The following ZDHHC21 variants were observed in gnomAD, a reference collection of about 807,000 sequenced individuals.
The protein encoded by ZDHHC21 is zDHHC palmitoyltransferase 21, also known as palmitoyltransferase ZDHHC21.
ZDHHC21 carries 15 observed loss-of-function variants against 34.6 expected under a neutral mutation model. The observed-to-expected ratio is 0.43, with a 90% CI of 0.29 to 0.67. ZDHHC21 has a LOEUF of 0.67. Ranked by LOEUF, ZDHHC21 falls within the 30% of genes least tolerant of loss-of-function variation. ZDHHC21 has a pLI of 0.14. For synonymous variants in ZDHHC21, 142 were observed against 101.8 expected (o/e 1.40, Z -2.38); for missense variants, 344 against 327.7 (o/e 1.05, Z -0.38).
chr9:14,657,843 T>C (rs1832548539), intron 7 of ZDHHC21, among the ~76,000 whole-genome samples: 1 of 152,202 alleles, frequency 6.6e-6, no homozygotes, highest in South Asian at 2.1e-4. Flanking sequence ...TTTATTTTAA[T>C]GCTTTTCTTA....
At chr9:14,683,520 T>A (rs949136478) in intron 2 of ZDHHC21, 2 of 152,178 alleles carry the variant, frequency 1.3e-5, no homozygotes, top group Admixed American at 1.3e-4. Flanking sequence ...AATCTCTGAA[T>A]AGACCAATAA....
At chr9:14,600,778 G>A in the ZDHHC21 span, among the ~76,000 whole-genome samples, 1 of 152,156 alleles carries the variant, frequency 6.6e-6, no homozygotes, top group African/African-American at 2.4e-5. Flanking sequence ...AACCAAAACA[G>A]CATGGTACTG....
intron 6 of ZDHHC21, among the ~76,000 whole-genome samples, chr9:14,661,793 C>T (rs750591272): frequency 3.9e-5 from 6 of 152,080 alleles, no homozygotes; most frequent in African/African-American, 9.7e-5. Flanking sequence ...AAGAGGTTAT[C>T]AGGGTGTCTG....
chr9:14,641,459 T>C (rs1192454882), intron 7 of ZDHHC21, among the ~76,000 whole-genome samples: 1 of 152,224 alleles, frequency 6.6e-6, no homozygotes, highest in East Asian at 1.9e-4. Context: ...ACATAATTGA[T>C]ACATTAAACA....
At chr9:14,622,604 T>C (rs1825497371) in intron 8 of ZDHHC21, 3 of 984,802 alleles carry the variant, frequency 3.0e-6, no homozygotes, top group Non-Finnish European at 3.6e-6. Context: ...TAACTCATCC[T>C]GTTTTGAGTT....
At chr9:14,641,913 A>G (rs1829446909) in intron 7 of ZDHHC21, among the ~76,000 whole-genome samples, 1 of 152,296 alleles carries the variant, frequency 6.6e-6, no homozygotes, top group East Asian at 1.9e-4. Flanking sequence ...TGTGGTTTTA[A>G]TGCACGGTTT....
chr9:14,642,190 C>A (rs1349998687), intron 7 of ZDHHC21, among the ~76,000 whole-genome samples: 1 of 152,110 alleles, frequency 6.6e-6, no homozygotes, highest in Non-Finnish European at 1.5e-5. Flanking sequence ...AAACTTTAAT[C>A]TAGAAATTGC....
intron 2 of ZDHHC21, among the ~76,000 whole-genome samples, chr9:14,689,290 G>C (rs184994444): frequency 6.6e-6 from 1 of 152,182 alleles, no homozygotes; most frequent in Non-Finnish European, 1.5e-5. Flanking sequence ...TCAAGTAAAA[G>C]CAGGACTGGT....
the ZDHHC21 span, among the ~76,000 whole-genome samples, chr9:14,599,043 G>A: frequency 6.6e-6 from 1 of 152,186 alleles, no homozygotes; most frequent in Admixed American, 6.5e-5. Context: ...GATTACAGAT[G>A]TGAGCCACCT....
rs1283714682 is a variant in ZDHHC21, at chr9:14,613,900, A to C, written c.*5066T>G. On this transcript the variant is annotated 3_prime_UTR_variant, in exon 10 of 10. Transcript: ENST00000380916. ...AGCTGAGTTTTCCACATTATTTTTA[A>C]CACTTCACATGATCATACTCTACAC... The C allele has an allele frequency of 6.6e-6, 1 of 151,748 alleles. No homozygotes were observed. Among genetic ancestry groups the C allele is most frequent in the African/African-American group, 2.4e-5 (1 of 41,398 alleles). The allele number at this position is 151,748 out of a possible 1,614,324, so 9.4% of individuals were successfully genotyped here.
At chr9:14,664,041 G>C (rs1302592170) in intron 5 of ZDHHC21, among the ~76,000 whole-genome samples, 2 of 152,200 alleles carry the variant, frequency 1.3e-5, no homozygotes, top group African/African-American at 2.4e-5. Context: ...CCGGTCTACA[G>C]CTCCCAGCGT....
At chr9:14,593,788 G>A in the ZDHHC21 span, 1 of 152,684 alleles carries the variant, frequency 6.5e-6, no homozygotes, top group African/African-American at 2.4e-5. Context: ...ACAGATTCAA[G>A]AGAGATGACC....
At chr9:14,622,581 C>T in intron 8 of ZDHHC21, 3 of 985,268 alleles carry the variant, frequency 3.0e-6, no homozygotes, top group Non-Finnish European at 3.6e-6. Flanking sequence ...CTTGATGATA[C>T]AATCCATCCA....
chr9:14,689,193 T>G (rs10756603), intron 2 of ZDHHC21, among the ~76,000 whole-genome samples: 1 of 151,880 alleles, frequency 6.6e-6, no homozygotes, highest in Admixed American at 6.5e-5. Context: ...TACACGTTGG[T>G]TAGGGGGATC....
chr9:14,598,452 G>A, the ZDHHC21 span, among the ~76,000 whole-genome samples: 357 of 152,208 alleles, frequency 2.3e-3, no homozygotes, highest in Non-Finnish European at 3.7e-3. Flanking sequence ...ATAGGAAAAA[G>A]TATTTCCCTA....
At chr9:14,689,876 C>T (rs1450112049) in intron 2 of ZDHHC21, among the ~76,000 whole-genome samples, 1 of 152,120 alleles carries the variant, frequency 6.6e-6, no homozygotes, top group Non-Finnish European at 1.5e-5. Flanking sequence ...AAGCTCACTT[C>T]ATTAGAATCT....
In ZDHHC21 at chr9:14,658,756, C is replaced by T. The variant is rs543694350; in HGVS notation, c.497G>A (p.Arg166His). 52 of 1,613,268 alleles carry T rather than the reference C, an allele frequency of 3.2e-5. No homozygotes were observed. Among genetic ancestry groups the T allele is most frequent in the Admixed American group, 1.8e-4 (11 of 59,918 alleles). The change falls in exon 7 of 10, where the codon CGT becomes CAT. Residue 166 changes from arginine (R) to histidine (H), a missense_variant. By Grantham distance (29) the Arg-to-His change is conservative. Transcript: ENST00000380916. ...HYYYFLPLKK[R>H]NLDLFVFRHE... ...AATATAAACATTTCTTACCAAATTA[C>T]GCTTTTTTAGTGGAAGAAAATAGTA... is the stretch of plus-strand genomic sequence containing the variant.
chr9:14,592,943 A>G, the ZDHHC21 span, among the ~76,000 whole-genome samples: 1 of 152,178 alleles, frequency 6.6e-6, no homozygotes, highest in African/African-American at 2.4e-5. Flanking sequence ...TCAAATGGGA[A>G]ATTAAGATAG....
At chr9:14,660,524 T>C (rs959965699) in intron 6 of ZDHHC21, among the ~76,000 whole-genome samples, 1 of 152,172 alleles carries the variant, frequency 6.6e-6, no homozygotes, top group Non-Finnish European at 1.5e-5. Context: ...GCTTCCAATT[T>C]ACACTGTACA....
Sources: allele counts gnomAD v4.1 joint callset (sites outside exome capture counted in the v4.1 genomes callset), GRCh38; gene constraint gnomAD v4.1.1; transcripts MANE v1.5; gene names NCBI Gene and HGNC (gene_info 2026-07-23, HGNC 2026-07-21).